Variants in RALGPS1 observed in about 807,000 individuals in gnomAD.
RALGPS1 encodes the protein ras-specific guanine nucleotide-releasing factor RalGPS1.
In RALGPS1, 19 loss-of-function variants were observed where a neutral mutation model predicts 78.8. The ratio of observed to expected loss-of-function variants is 0.24; its 90% CI spans 0.17 to 0.35. The LOEUF is 0.35. RALGPS1 is among the 10% of genes least tolerant of loss of function. The pLI is 1.00. For missense variants in RALGPS1, 454 were observed against 688.3 expected (o/e 0.66, Z 3.81); for synonymous variants, 228 against 256.3 (o/e 0.89, Z 1.06).
At chr9:127,167,670 A>C (rs2059363113) in intron 9 of RALGPS1, among the ~76,000 whole-genome samples, 1 of 152,214 alleles carries the variant, frequency 6.6e-6, no homozygotes. Context: ...GAGGACACTG[A>C]GGCTTCAGAG....
At chr9:127,215,275 G>A (rs189716457) in intron 18 of RALGPS1, among the ~76,000 whole-genome samples, 3 of 152,336 alleles carry the variant, frequency 2.0e-5, no homozygotes, top group Admixed American at 1.3e-4. Context: ...AGCCAGCCAT[G>A]GACCACGCAA....
chr9:126,996,101 C>T (rs1474752760), intron 4 of RALGPS1, among the ~76,000 whole-genome samples: 2 of 152,080 alleles, frequency 1.3e-5, no homozygotes, highest in African/African-American at 4.8e-5. Context: ...AATTGACACC[C>T]TGACATCACA....
At chr9:126,938,388 A>G (rs1044795247) in intron 1 of RALGPS1, among the ~76,000 whole-genome samples, 5 of 152,232 alleles carry the variant, frequency 3.3e-5, no homozygotes, top group African/African-American at 1.2e-4. Flanking sequence ...TAGTAGCCAT[A>G]GGCCCTGTCT....
chr9:127,192,453 A>G (rs1284082241), intron 11 of RALGPS1, among the ~76,000 whole-genome samples: 1 of 152,212 alleles, frequency 6.6e-6, no homozygotes, highest in East Asian at 1.9e-4. Flanking sequence ...AGATGGAGGG[A>G]TGGTGCCAAG....
chr9:127,106,195 C>T (rs1564589077), intron 8 of RALGPS1, among the ~76,000 whole-genome samples: 1 of 152,140 alleles, frequency 6.6e-6, no homozygotes, highest in Non-Finnish European at 1.5e-5. Context: ...ACCATTGAGT[C>T]CAGCCTGTCT....
chr9:126,963,349 A>G lies in RALGPS1; in HGVS notation c.57+1003A>G, dbSNP rs1159944792. 3.3e-5 allele frequency among the ~76,000 whole-genome samples: 5 copies of G among 151,656 alleles called. No individual in the cohort carries two copies. In the East Asian group the frequency reaches 5.8e-4, roughly 18 times the overall value. On this transcript the variant is annotated intron_variant, in intron 2 of 18. Coordinates refer to ENST00000259351, the MANE Select transcript of RALGPS1 (RefSeq NM_014636.3). ...CTGGTCTGTATGTGTATATATGTATATGTGTGTGTGTGTGTATATATATAT... is the reference window on the plus strand; with the variant it reads ...CTGGTCTGTATGTGTATATATGTATGTGTGTGTGTGTGTGTATATATATAT...
intron 4 of RALGPS1, among the ~76,000 whole-genome samples, chr9:126,992,040 T>G (rs1432236387): frequency 6.6e-6 from 1 of 152,186 alleles, no homozygotes; most frequent in African/African-American, 2.4e-5. Flanking sequence ...AATACTTGTT[T>G]GATGAATGAC....
In RALGPS1 at chr9:127,151,723, T is replaced by G. The variant is rs914048543; in HGVS notation, c.611-14346T>G. On this transcript the variant is annotated intron_variant, in intron 8 of 18. Transcript: ENST00000259351. Reference sequence around the variant, plus strand: ...AGAATGGGTCTAGGAATAGATTTCTTTCCTGGAACCTAATAAACTCAGAAT... The same window carrying G: ...AGAATGGGTCTAGGAATAGATTTCTGTCCTGGAACCTAATAAACTCAGAAT... Among the ~76,000 whole-genome samples, 4 of 152,342 alleles carry G rather than the reference T, an allele frequency of 2.6e-5. No homozygotes were observed. In the East Asian group the frequency reaches 7.7e-4, roughly 29 times the overall value.
intron 7 of RALGPS1, among the ~76,000 whole-genome samples, chr9:127,061,623 T>C (rs1366393437): frequency 6.6e-6 from 1 of 152,232 alleles, no homozygotes; most frequent in Non-Finnish European, 1.5e-5. Context: ...CCCGTGCTCA[T>C]GCCTTTTGTG....
intron 11 of RALGPS1, among the ~76,000 whole-genome samples, chr9:127,175,988 A>G (rs1451712091): frequency 1.3e-5 from 2 of 152,090 alleles, no homozygotes; most frequent in African/African-American, 4.8e-5. Context: ...CCCACCCAGT[A>G]AGGCTCTGCC....
intron 8 of RALGPS1, chr9:127,108,673 A>G (rs1401526697): frequency 4.3e-6 from 7 of 1,613,444 alleles, no homozygotes; most frequent in East Asian, 4.5e-5. Context: ...CTGGCCTGCA[A>G]CAGCTCCCAT....
chr9:126,994,558 T>C (rs577251589), intron 4 of RALGPS1, among the ~76,000 whole-genome samples: 91 of 152,294 alleles, frequency 6.0e-4, no homozygotes, highest in African/African-American at 2.1e-3. Context: ...GTCTGATTGG[T>C]GTACCTGAAA....
chr9:127,089,489 G>T (rs1333980000), intron 8 of RALGPS1, among the ~76,000 whole-genome samples: 1 of 152,196 alleles, frequency 6.6e-6, no homozygotes, highest in Non-Finnish European at 1.5e-5. Context: ...TGCAAAGGAG[G>T]CCCCAAGGGA....
intron 8 of RALGPS1, among the ~76,000 whole-genome samples, chr9:127,150,146 T>C (rs1311905940): frequency 6.6e-6 from 1 of 152,176 alleles, no homozygotes; most frequent in Non-Finnish European, 1.5e-5. Flanking sequence ...TCCATGAAAT[T>C]GTACAAGTGC....
At chr9:127,180,241 T>C (rs2060131217) in intron 11 of RALGPS1, among the ~76,000 whole-genome samples, 1 of 152,242 alleles carries the variant, frequency 6.6e-6, no homozygotes, top group African/African-American at 2.4e-5. Flanking sequence ...CAGATTTTGT[T>C]AGCCCCGCCT....
rs114534294 is a variant in RALGPS1 at position 127,049,931 on chromosome 9, C to T, written c.301-112C>T. ...CCCCAGGCTATCCTCTCCCAGTTTCCTGACCTCTTGGAAATCCCATAACAG... is the reference window on the plus strand; with the variant it reads ...CCCCAGGCTATCCTCTCCCAGTTTCTTGACCTCTTGGAAATCCCATAACAG... On this transcript the variant is annotated intron_variant, in intron 5 of 18. Coordinates refer to ENST00000259351, the MANE Select transcript of RALGPS1 (RefSeq NM_014636.3). The T allele has an allele frequency of 3.2e-3, 2,522 of 792,704 alleles. 46 individuals carry two copies. In the African/African-American group the frequency reaches 0.038, roughly 12 times the overall value. 49.1% of individuals were successfully genotyped at this position (792,704 alleles called of 1,614,324 possible).
At chr9:127,088,538 G>A (rs1368491277) in intron 8 of RALGPS1, 3 of 208,198 alleles carry the variant, frequency 1.4e-5, no homozygotes, top group Non-Finnish European at 9.7e-6. Context: ...ACCTATATAT[G>A]GATCTAGATA....
intron 3 of RALGPS1, among the ~76,000 whole-genome samples, chr9:126,976,310 T>TTC (rs75467840): frequency 0.22 from 25,425 of 114,060 alleles, 2,738 homozygotes; most frequent in East Asian, 0.47. Context: ...TCAACACTCA[T>TTC]TCTCACACAC....
At chr9:127,157,221 G>A (rs2058749624) in intron 8 of RALGPS1, among the ~76,000 whole-genome samples, 1 of 152,130 alleles carries the variant, frequency 6.6e-6, no homozygotes, top group African/African-American at 2.4e-5. Context: ...TATGAAATGT[G>A]TATGTTAATT....
Sources: allele counts gnomAD v4.1 joint callset (sites outside exome capture counted in the v4.1 genomes callset), GRCh38; gene constraint gnomAD v4.1.1; transcripts MANE v1.5; gene names NCBI Gene and HGNC (gene_info 2026-07-23, HGNC 2026-07-21).